NNT: variants seen among roughly 807,000 people sequenced by gnomAD.
NNT encodes the protein NAD(P) transhydrogenase, mitochondrial.
A neutral mutation model predicts 104.8 loss-of-function variants in NNT; 50 were observed. The ratio of observed to expected loss-of-function variants is 0.48; its 90% confidence interval spans 0.38 to 0.60. The LOEUF (loss-of-function observed/expected upper bound fraction) is 0.60. Ranked by LOEUF, NNT falls within the 20% of genes least tolerant of loss-of-function variation. The pLI, the probability that NNT is intolerant of heterozygous loss-of-function variation, is 0.00. For synonymous variants in NNT, 461 were observed against 490.4 expected, an observed-to-expected ratio of 0.94 and a Z score of 0.79; for missense variants, 1,131 against 1,330.7, an observed-to-expected ratio of 0.85 and a Z score of 2.33.
At chr5:43,682,503 A>T (rs901356460) in intron 19 of NNT, among the ~76,000 whole-genome samples, 2 of 151,984 alleles carry the variant, frequency 1.3e-5, no homozygotes, top group Admixed American at 1.3e-4. Context: ...GAGCCACCAC[A>T]CTCAGGCAGG....
At chr5:43,632,967 C>T (rs1318931456) in intron 7 of NNT, among the ~76,000 whole-genome samples, 2 of 152,096 alleles carry the variant, frequency 1.3e-5, no homozygotes, top group African/African-American at 2.4e-5. Context: ...GGTGATTTTG[C>T]ACTGACTGTG....
At position 43,704,289 on chromosome 5, in the gene NNT, A is replaced by G. The variant is rs1743003997; in HGVS notation, c.3146A>G (p.Tyr1049Cys). 8.1e-6 allele frequency: 13 copies of G among 1,602,204 alleles called. No individual in the cohort carries two copies. Among genetic ancestry groups the G allele is most frequent in the African/African-American group, 1.3e-5 (1 of 74,114 alleles). The change falls in exon 22 of 22, where the codon TAT becomes TGT. Residue 1049 changes from tyrosine to cysteine, a missense_variant. By Grantham distance (194) the Tyr-to-Cys change is radical. Coordinates refer to ENST00000344920, the MANE Select transcript of NNT (RefSeq NM_182977.3). ...IVMKRSLGVG[Y>C]AAVDNPIFYK... ...ATGAAGAGGTCTTTGGGTGTTGGCTATGCTGCAGTGGACAATCCAATCTTC... is the reference window on the plus strand; with the variant it reads ...ATGAAGAGGTCTTTGGGTGTTGGCTGTGCTGCAGTGGACAATCCAATCTTC...
Position 43,667,399 on chromosome 5 carries a change from T to C in NNT, c.2634+8049T>C, listed in dbSNP as rs1056135189. 9.9e-5 allele frequency among the ~76,000 whole-genome samples: 15 copies of C among 152,200 alleles called. 1 individual carries two copies. Among genetic ancestry groups the C allele is most frequent in the Admixed American group, 8.5e-4 (13 of 15,282 alleles). ...AACTATTTACATTAGGTATATCTCC[T>C]AATGCTATCCCTCCCCACTCCCCCC... On this transcript the variant is annotated intron_variant, in intron 17 of 21. Coordinates refer to ENST00000344920, the MANE Select transcript of NNT (RefSeq NM_182977.3).
At chr5:43,614,210 A>C (rs1315405407) in intron 3 of NNT, among the ~76,000 whole-genome samples, 1 of 152,222 alleles carries the variant, frequency 6.6e-6, no homozygotes, top group African/African-American at 2.4e-5. Context: ...TGGAAGTGCT[A>C]TGTGTTCCTT....
At chr5:43,616,614 A>G (rs1749805413) in intron 4 of NNT, among the ~76,000 whole-genome samples, 1 of 152,250 alleles carries the variant, frequency 6.6e-6, no homozygotes, top group Non-Finnish European at 1.5e-5. Flanking sequence ...TTTAAGGTCA[A>G]GATGGTAATA....
At chr5:43,695,305 C>T (rs902404218) in intron 19 of NNT, among the ~76,000 whole-genome samples, 12 of 152,104 alleles carry the variant, frequency 7.9e-5, no homozygotes, top group African/African-American at 2.4e-4. Context: ...CCCTGATGCG[C>T]CTATATGAAG....
intron 3 of NNT, among the ~76,000 whole-genome samples, chr5:43,615,061 C>T (rs1039957709): frequency 1.3e-5 from 2 of 151,630 alleles, no homozygotes; most frequent in Admixed American, 6.6e-5. Context: ...GGCGTGAACC[C>T]GGGAAGCGGA....
Position 43,653,001 on chromosome 5 carries a change from A to C in NNT, c.1864-17A>C, listed in dbSNP as rs1362815123. On this transcript the variant is annotated splice_polypyrimidine_tract_variant and intron_variant, in intron 13 of 21. Coordinates refer to ENST00000344920, the MANE Select transcript of NNT (RefSeq NM_182977.3). ...CAAAGGTTTTAATAATCTCTCTCTC[A>C]CTTTTCCTTTGAAAAGATCATGTAC... The C allele has an allele frequency of 6.3e-7, 1 of 1,590,366 alleles. No homozygotes were observed.
intron 5 of NNT, among the ~76,000 whole-genome samples, chr5:43,620,552 G>A (rs1750032697): frequency 6.6e-6 from 1 of 151,534 alleles, no homozygotes; most frequent in Non-Finnish European, 1.5e-5. Flanking sequence ...GTTATATAAA[G>A]CCCAGAGTTC....
chr5:43,648,984 C>G lies in NNT; in HGVS notation c.1445-163C>G, dbSNP rs532425694. Among the ~76,000 whole-genome samples the G allele has an allele frequency of 5.3e-5, 8 of 152,248 alleles. No individual in the cohort carries two copies. In the East Asian group the frequency reaches 1.5e-3, roughly 29 times the overall value. On this transcript the variant is annotated intron_variant, in intron 10 of 21. Transcript: ENST00000344920. ...GGTTTTGTCCACAGTATTCCTCCATCCCCCCACTTCTCAACTGTCAAATGT... is the reference window on the plus strand; with the variant it reads ...GGTTTTGTCCACAGTATTCCTCCATGCCCCCACTTCTCAACTGTCAAATGT...
chr5:43,691,954 A>G (rs938816211), intron 19 of NNT, among the ~76,000 whole-genome samples: 2 of 152,222 alleles, frequency 1.3e-5, no homozygotes, highest in South Asian at 2.1e-4. Flanking sequence ...TTAATAAACT[A>G]TAGTTTCAAT....
At chr5:43,697,017 C>T (rs951328116) in intron 19 of NNT, among the ~76,000 whole-genome samples, 7 of 152,230 alleles carry the variant, frequency 4.6e-5, no homozygotes, top group African/African-American at 1.7e-4. Flanking sequence ...ACATTAGGCT[C>T]CTCATTACTT....
intron 7 of NNT, among the ~76,000 whole-genome samples, chr5:43,638,422 A>C (rs959231755): frequency 6.6e-6 from 1 of 152,140 alleles, no homozygotes; most frequent in African/African-American, 2.4e-5. Flanking sequence ...GTGCAACATT[A>C]TGTTGTTATA....
chr5:43,605,351 C>T (rs1362492023), intron 1 of NNT, among the ~76,000 whole-genome samples: 1 of 150,526 alleles, frequency 6.6e-6, no homozygotes, highest in Non-Finnish European at 1.5e-5. Flanking sequence ...CCCGTCTCTA[C>T]TAAAAATACA....
chr5:43,694,317 T>G (rs1742441870), intron 19 of NNT, among the ~76,000 whole-genome samples: 1 of 152,228 alleles, frequency 6.6e-6, no homozygotes, highest in Non-Finnish European at 1.5e-5. Context: ...CAGATTGTGT[T>G]GACTAGGAGT....
intron 17 of NNT, among the ~76,000 whole-genome samples, chr5:43,662,356 C>T (rs530852056): frequency 5.0e-4 from 76 of 152,158 alleles, no homozygotes; most frequent in African/African-American, 1.7e-3. Context: ...GCAATTATAT[C>T]ATCTTTCTCT....
intron 9 of NNT, 96 bp downstream of exon 9, chr5:43,644,898 T>C (rs1316449192): frequency 5.9e-6 from 6 of 1,019,166 alleles, no homozygotes; most frequent in Non-Finnish European, 8.4e-6. Flanking sequence ...TTGAGACATA[T>C]TTTAATAAGG....
intron 17 of NNT, among the ~76,000 whole-genome samples, chr5:43,661,259 A>G (rs1740341116): frequency 6.6e-6 from 1 of 152,158 alleles, no homozygotes; most frequent in South Asian, 2.1e-4. Context: ...TTGTACTAGA[A>G]ATACAGTTTT....
chr5:43,663,198 A>G (rs552497083), intron 17 of NNT, among the ~76,000 whole-genome samples: 1 of 152,218 alleles, frequency 6.6e-6, no homozygotes, highest in African/African-American at 2.4e-5. Flanking sequence ...AGTTGTTTTT[A>G]ACTTTCTTTT....
Sources: allele counts gnomAD v4.1 joint callset (sites outside exome capture counted in the v4.1 genomes callset), GRCh38; gene constraint gnomAD v4.1.1; transcripts MANE v1.5; gene names NCBI Gene and HGNC (gene_info 2026-07-23, HGNC 2026-07-21).